COL10A1: variants seen among roughly 807,000 people sequenced by gnomAD.
COL10A1 encodes the protein collagen alpha-1(X) chain.
A neutral mutation model predicts 18.2 loss-of-function variants in COL10A1; 10 were observed. That is an observed-to-expected ratio of 0.55 (90% confidence interval 0.34 to 0.93). The LOEUF (loss-of-function observed/expected upper bound fraction) is 0.93, where lower values mean the gene tolerates loss of function less well. Ranked by LOEUF, COL10A1 falls within the 40% of genes least tolerant of loss-of-function variation. The probability of loss-of-function intolerance (pLI) is 0.02; values close to 1 mark genes in which losing one functional copy is unlikely to be tolerated. For synonymous variants in COL10A1, 330 were observed against 316.6 expected, an observed-to-expected ratio of 1.04 and a Z score of -0.45; for missense variants, 897 against 853.5, an observed-to-expected ratio of 1.05 and a Z score of -0.64.
chr6:116,145,661 A>G (rs755063388), intron 1 of COL10A1, among the ~76,000 whole-genome samples: 1 of 152,216 alleles, frequency 6.6e-6, no homozygotes, highest in African/African-American at 2.4e-5. Context: ...TCTTTAAAGT[A>G]TCCCCAGTGA....
At chr6:116,194,593 A>G in the COL10A1 span, among the ~76,000 whole-genome samples, 1 of 152,078 alleles carries the variant, frequency 6.6e-6, no homozygotes, top group African/African-American at 2.4e-5. Context: ...TAAAACTATA[A>G]CAACTGTGAG....
the COL10A1 span, among the ~76,000 whole-genome samples, chr6:116,209,111 T>G: frequency 6.6e-6 from 1 of 152,022 alleles, no homozygotes; most frequent in African/African-American, 2.4e-5. Flanking sequence ...GCATTATATA[T>G]AACTAATTGT....
chr6:116,121,711 TG>T lies in COL10A1; in HGVS notation c.404del (p.Pro135GlnfsTer50). The T allele has an allele frequency of 6.2e-7, 1 of 1,614,080 alleles. No homozygotes were observed. The highest frequency in any genetic ancestry group is 8.5e-7 in the Non-Finnish European group (1 of 1,179,980). The stretch of plus-strand genomic sequence containing the variant: ...GTGGTCCTGGTGGGCCCCGGGGTCC[TG>T]GTAGGCCAGCTGGTCCAACATCTCC... ...PKGDVGPAGL[P>X]GPRGPPGPPG... is the part of the protein sequence containing the mutation. On this transcript the variant is annotated frameshift_variant, in exon 3 of 3. Coordinates refer to ENST00000651968, the MANE Select transcript of COL10A1 (RefSeq NM_000493.4). LOFTEE classifies it low-confidence loss of function (END_TRUNC).
the COL10A1 span, among the ~76,000 whole-genome samples, chr6:116,182,895 T>C: frequency 6.6e-6 from 1 of 151,958 alleles, no homozygotes; most frequent in Non-Finnish European, 1.5e-5. Flanking sequence ...CCCATCTATT[T>C]ATCTTTGCTT....
At chr6:116,134,039 G>A (rs558862121) in intron 1 of COL10A1, among the ~76,000 whole-genome samples, 2 of 152,150 alleles carry the variant, frequency 1.3e-5, no homozygotes, top group Non-Finnish European at 2.9e-5. Flanking sequence ...GTTTAGACAT[G>A]CTGTCATCTT....
At chr6:116,194,744 G>C in the COL10A1 span, among the ~76,000 whole-genome samples, 1 of 151,994 alleles carries the variant, frequency 6.6e-6, no homozygotes, top group Non-Finnish European at 1.5e-5. Context: ...ATTATCAGAA[G>C]AGTTAGAAAC....
intron 1 of COL10A1, among the ~76,000 whole-genome samples, chr6:116,135,414 C>T (rs1416616314): frequency 6.6e-6 from 1 of 151,634 alleles, no homozygotes; most frequent in East Asian, 1.9e-4. Flanking sequence ...CATAACCGCC[C>T]CCCCCACCTT....
upstream of COL10A1, among the ~76,000 whole-genome samples, chr6:116,161,395 A>G (rs150371578): frequency 0.013 from 2,019 of 152,202 alleles, 40 homozygotes; most frequent in African/African-American, 0.044. Context: ...AGATAAAAAT[A>G]AAATTATATA....
chr6:116,120,744 C>T lies in COL10A1; in HGVS notation c.1372G>A (p.Gly458Ser). ...TTAGACCCAGGGAATCCTGGAATGCCTGGTGGCCCAATAGGGCCTCTAGTA... is the reference window on the plus strand; with the variant it reads ...TTAGACCCAGGGAATCCTGGAATGCTTGGTGGCCCAATAGGGCCTCTAGTA... ...PGTRGPIGPP[G>S]IPGFPGSKGD... The change falls in exon 3 of 3, where the codon GGC becomes AGC. Residue 458 changes from glycine (G) to serine (S), a missense_variant. Gly to Ser is a moderately conservative substitution (Grantham distance 56, BLOSUM62 0). Coordinates refer to ENST00000651968, the MANE Select transcript of COL10A1 (RefSeq NM_000493.4). The T allele has an allele frequency of 6.3e-7, 1 of 1,598,124 alleles. No individual in the cohort carries two copies.
In COL10A1 at chr6:116,120,582, G is replaced by A; in HGVS notation, c.1534C>T (p.Pro512Ser). The A allele has an allele frequency of 6.3e-7, 1 of 1,592,892 alleles. No individual in the cohort carries two copies. Among genetic ancestry groups the A allele is most frequent in the South Asian group, 1.1e-5 (1 of 87,570 alleles). ...ACTGCTTGACCTGGTGGGCCTGGAG[G>A]CCCAGGGGGCCCTGGAAGACCAGGC... The part of the protein sequence containing the change: ...GEPGLPGPPG[P>S]PGPPGQAVMP... Residue 512 changes from proline (P) to serine (S), a missense_variant, in exon 3 of 3, where the codon CCT becomes TCT. Pro to Ser is a moderately conservative substitution (Grantham distance 74). Transcript: ENST00000651968.
In COL10A1 at chr6:116,121,184, C is replaced by T; in HGVS notation, c.932G>A (p.Gly311Glu). 6.2e-7 allele frequency: 1 copy of T among 1,613,332 alleles called. No individual in the cohort carries two copies. The highest frequency in any genetic ancestry group is 8.5e-7 in the Non-Finnish European group (1 of 1,179,714). ...PGLPGLKGER[G>E]PAGLPGGPGA... ...TGGACCCCCAGGAAGGCCAGCAGGT[C>T]CTCTTTCTCCCTTCAGGCCTGGCAA... Residue 311 changes from glycine (G) to glutamate (E), a missense_variant, in exon 3 of 3, where the codon GGA becomes GAA. Gly to Glu is a moderately conservative substitution (Grantham distance 98). Transcript: ENST00000651968.
intron 1 of COL10A1, among the ~76,000 whole-genome samples, chr6:116,132,008 T>C (rs563687333): frequency 6.6e-6 from 1 of 152,342 alleles, no homozygotes; most frequent in South Asian, 2.1e-4. Context: ...CATTATCTTA[T>C]TGTTTTTTAT....
At chr6:116,194,877 T>C in the COL10A1 span, among the ~76,000 whole-genome samples, 8 of 152,072 alleles carry the variant, frequency 5.3e-5, no homozygotes, top group Non-Finnish European at 1.2e-4. Flanking sequence ...TGGTTTACAT[T>C]ATTAGTTTGA....
At position 116,120,654 on chromosome 6, in the gene COL10A1, G is replaced by A; in HGVS notation, c.1462C>T (p.Pro488Ser). The change falls in exon 3 of 3, where the codon CCC becomes TCC. Residue 488 changes from proline (P) to serine (S), a missense_variant. Coordinates refer to ENST00000651968, the MANE Select transcript of COL10A1 (RefSeq NM_000493.4). ...AGIATKGLNG[P>S]TGPPGPPGPR... Reference sequence around the variant, plus strand: ...CCTGGAGGCCCTGGTGGCCCGGTGGGTCCATTGAGGCCCTTAGTTGCTATG... The same window carrying A: ...CCTGGAGGCCCTGGTGGCCCGGTGGATCCATTGAGGCCCTTAGTTGCTATG... The A allele has an allele frequency of 1.3e-6, 2 of 1,546,386 alleles. No homozygotes were observed. Among genetic ancestry groups the A allele is most frequent in the African/African-American group, 1.4e-5 (1 of 72,274 alleles).
At chr6:116,175,029 T>A in the COL10A1 span, among the ~76,000 whole-genome samples, 10 of 152,160 alleles carry the variant, frequency 6.6e-5, no homozygotes, top group Admixed American at 6.5e-4. Context: ...ATGAACAGGA[T>A]TATCTACTCA....
intron 1 of COL10A1, among the ~76,000 whole-genome samples, chr6:116,154,079 T>C (rs975931979): frequency 6.7e-6 from 1 of 149,838 alleles, no homozygotes; most frequent in African/African-American, 2.5e-5. Flanking sequence ...CTAATTGAAG[T>C]GATTGACCAA....
At chr6:116,127,109 T>C (rs1398394638), upstream of COL10A1, among the ~76,000 whole-genome samples, 1 of 152,174 alleles carries the variant, frequency 6.6e-6, no homozygotes, top group Non-Finnish European at 1.5e-5. Flanking sequence ...GGTGAACTGG[T>C]TGAGGAGGAC....
chr6:116,194,318 CA>C, the COL10A1 span, among the ~76,000 whole-genome samples: 2 of 151,858 alleles, frequency 1.3e-5, no homozygotes, highest in Admixed American at 1.3e-4. Flanking sequence ...GTTTTCACAA[CA>C]AGTAATATTT....
chr6:116,184,912 G>T, the COL10A1 span, among the ~76,000 whole-genome samples: 1 of 151,680 alleles, frequency 6.6e-6, no homozygotes, highest in Non-Finnish European at 1.5e-5. Context: ...CTTTTCTTCT[G>T]CTGGGTTTGG....
Sources: allele counts gnomAD v4.1 joint callset (sites outside exome capture counted in the v4.1 genomes callset), GRCh38; gene constraint gnomAD v4.1.1; transcripts MANE v1.5; gene names NCBI Gene and HGNC (gene_info 2026-07-23, HGNC 2026-07-21).